GPBP1: variants seen among roughly 807,000 people sequenced by gnomAD.
The protein encoded by GPBP1 is vasculin.
In GPBP1, 13 loss-of-function variants were observed where a neutral mutation model predicts 56.5. The ratio of observed to expected loss-of-function variants is 0.23; its 90% confidence interval spans 0.15 to 0.37. The LOEUF is 0.37. Ranked by LOEUF, GPBP1 falls within the 10% of genes least tolerant of loss-of-function variation. The pLI, the probability that GPBP1 is intolerant of heterozygous loss-of-function variation, is 1.00. For synonymous variants in GPBP1, 204 were observed against 188.9 expected (o/e 1.08, Z -0.66); for missense variants, 477 against 572.3 (o/e 0.83, Z 1.70).
At chr5:57,252,645 G>T (rs1042036600) in intron 10 of GPBP1, among the ~76,000 whole-genome samples, 13 of 151,874 alleles carry the variant, frequency 8.6e-5, no homozygotes, top group Non-Finnish European at 7.4e-5. Context: ...CTCCCGTCTC[G>T]CCCTCCCAAA....
chr5:57,247,752 G>T (rs1405888165), intron 8 of GPBP1, among the ~76,000 whole-genome samples: 2 of 151,990 alleles, frequency 1.3e-5, no homozygotes, highest in African/African-American at 2.4e-5. Flanking sequence ...ATAATTTTTT[G>T]GGGGGTGGTA....
In GPBP1 at chr5:57,253,785, C is replaced by CAAAA. The variant is rs147505940; in HGVS notation, c.1160+2649_1160+2652dup. 2.4e-4 allele frequency among the ~76,000 whole-genome samples: 37 copies of CAAAA among 151,446 alleles called. 1 individual carries two copies. The highest frequency in any genetic ancestry group is 3.4e-3 in the Middle Eastern group (1 of 294). On this transcript the variant is annotated intron_variant, in intron 10 of 11. Transcript: ENST00000506184. ...TGGCTGCCCCCTTAAAAACAAAAAA[C>CAAAA]AAAAAAAACATAGAGATGAGCTCTC...
chr5:57,189,674 CATT>C (rs1382638895), intron 2 of GPBP1, among the ~76,000 whole-genome samples: 1 of 152,176 alleles, frequency 6.6e-6, no homozygotes, highest in Non-Finnish European at 1.5e-5. Flanking sequence ...TCGATTGTGT[CATT>C]ATTGTGCTTA....
At chr5:57,189,952 C>A (rs180807547) in intron 2 of GPBP1, among the ~76,000 whole-genome samples, 67 of 152,240 alleles carry the variant, frequency 4.4e-4, no homozygotes, top group African/African-American at 1.6e-3. Flanking sequence ...GTAAAGTGGG[C>A]CACTCTATTC....
intron 3 of GPBP1, among the ~76,000 whole-genome samples, chr5:57,225,882 T>G (rs187320645): frequency 4.9e-4 from 74 of 152,314 alleles, no homozygotes; most frequent in African/African-American, 1.7e-3. Context: ...CTCCTAAATC[T>G]GCATTTGAAC....
chr5:57,185,671 G>C (rs772944821), intron 2 of GPBP1, among the ~76,000 whole-genome samples: 5 of 152,052 alleles, frequency 3.3e-5, no homozygotes, highest in Admixed American at 3.3e-4. Flanking sequence ...GTGTGTTTTG[G>C]TGAAGTGTCT....
At chr5:57,246,111 G>A in intron 6 of GPBP1, 189 bp from the exon 7 acceptor site, 1 of 469,116 alleles carries the variant, frequency 2.1e-6, no homozygotes, top group East Asian at 3.1e-5. Flanking sequence ...TATTCTGTGG[G>A]ATAATGTTTT....
At chr5:57,245,899 A>G (rs1741066230) in intron 6 of GPBP1, 1 of 153,902 alleles carries the variant, frequency 6.5e-6, no homozygotes, top group Non-Finnish European at 1.4e-5. Flanking sequence ...GAAAAAATTG[A>G]AATTTTAATT....
chr5:57,225,835 G>T (rs928209167), intron 3 of GPBP1, among the ~76,000 whole-genome samples: 20 of 152,332 alleles, frequency 1.3e-4, no homozygotes, highest in African/African-American at 4.3e-4. Context: ...GACATGGGCA[G>T]TCAGCTATCC....
At chr5:57,188,147 G>T (rs564091245) in intron 2 of GPBP1, among the ~76,000 whole-genome samples, 1 of 151,832 alleles carries the variant, frequency 6.6e-6, no homozygotes, top group Admixed American at 6.6e-5. Context: ...AGGAGGCTAA[G>T]GCAAGAGAAT....
In GPBP1 at chr5:57,214,273, T is replaced by G. The variant is rs1359751829; in HGVS notation, c.63+80T>G. 5.9e-6 allele frequency: 7 copies of G among 1,194,756 alleles called. No individual in the cohort carries two copies. The African/African-American group carries it at 1.0e-4, about 18-fold the overall frequency. The allele number at this position is 1,194,756 out of a possible 1,614,324, so 74.0% of individuals were successfully genotyped here. A position where few individuals can be genotyped will look rare whatever the true frequency, so the allele number is the denominator to read the frequency against. ...CAAATGTAATTAAGTCATGGAGGAG[T>G]AATAATATCTTTGCAGAGAAGTACA... is the stretch of plus-strand genomic sequence containing the variant. On this transcript the variant is annotated intron_variant, in intron 3 of 11. Transcript: ENST00000506184.
chr5:57,227,643 G>A (rs1016025317), intron 3 of GPBP1, among the ~76,000 whole-genome samples: 1 of 152,184 alleles, frequency 6.6e-6, no homozygotes, highest in African/African-American at 2.4e-5. Context: ...CAGTGCAAGG[G>A]CAGCATCCAC....
chr5:57,181,920 C>T (rs1429508822), intron 2 of GPBP1, among the ~76,000 whole-genome samples: 1 of 152,112 alleles, frequency 6.6e-6, no homozygotes, highest in African/African-American at 2.4e-5. Flanking sequence ...CTGTCCCACC[C>T]ATCACAATAG....
chr5:57,189,071 CA>C (rs1202207045), intron 2 of GPBP1, among the ~76,000 whole-genome samples: 2 of 152,170 alleles, frequency 1.3e-5, no homozygotes, highest in African/African-American at 4.8e-5. Flanking sequence ...TGGCTCACTG[CA>C]ACCTCTGCCT....
chr5:57,181,911 T>G lies in GPBP1; in HGVS notation c.-58+5511T>G, dbSNP rs192266843. 2.6e-3 allele frequency among the ~76,000 whole-genome samples: 402 copies of G among 152,210 alleles called. 1 individual carries two copies. Among genetic ancestry groups the G allele is most frequent in the Non-Finnish European group, 3.8e-3 (257 of 67,940 alleles). ...TGCTTGCTTTTCCCATTTTGTCAGCTGTCCCACCCATCACAATAGTTAACA... is the reference window on the plus strand; with the variant it reads ...TGCTTGCTTTTCCCATTTTGTCAGCGGTCCCACCCATCACAATAGTTAACA... On this transcript the variant is annotated intron_variant, in intron 2 of 11. Coordinates refer to ENST00000506184, the MANE Select transcript of GPBP1 (RefSeq NM_022913.4).
chr5:57,187,403 T>C (rs1391582119), intron 2 of GPBP1, among the ~76,000 whole-genome samples: 5 of 152,218 alleles, frequency 3.3e-5, no homozygotes. Flanking sequence ...TTGGGACTCT[T>C]CTCTCTTGAG....
intron 3 of GPBP1, among the ~76,000 whole-genome samples, chr5:57,226,849 C>T (rs1202187614): frequency 1.4e-5 from 2 of 147,972 alleles, no homozygotes; most frequent in Non-Finnish European, 3.0e-5. Context: ...ATGCCATTCT[C>T]CTGCCTCAGT....
chr5:57,260,723 G>A (rs1169483841), intron 10 of GPBP1, among the ~76,000 whole-genome samples: 2 of 152,114 alleles, frequency 1.3e-5, no homozygotes, highest in East Asian at 1.9e-4. Context: ...ATCAATACAA[G>A]ATATGTGGCC....
Position 57,249,282 on chromosome 5 carries a change from CAT to C in GPBP1, c.805-125_805-124del, listed in dbSNP as rs1485457795. ...AAACAGGGATAGAACTAGACTGTAACATAGACATTATAATCAATTTTATTTTG... is the reference window on the plus strand; with the variant it reads ...AAACAGGGATAGAACTAGACTGTAACAGACATTATAATCAATTTTATTTTG... On this transcript the variant is annotated intron_variant, in intron 8 of 11. Transcript: ENST00000506184. The C allele has an allele frequency of 1.3e-5, 9 of 701,332 alleles. No homozygotes were observed. In the South Asian group the frequency reaches 1.4e-4, roughly 11 times the overall value. 43.4% of individuals were successfully genotyped at this position (701,332 alleles called of 1,614,324 possible).
Sources: gnomAD v4.1 joint callset for allele counts (sites outside exome capture counted in the v4.1 genomes callset) on GRCh38, gnomAD v4.1.1 for gene constraint, MANE v1.5 for transcripts, NCBI Gene and HGNC (gene_info 2026-07-23, HGNC 2026-07-21) for gene names.